Variants in ACOT7 observed in about 807,000 individuals in gnomAD.
The protein encoded by ACOT7 is acyl-CoA thioesterase 7.
Under a neutral mutation model 40.2 loss-of-function variants are expected in ACOT7, and 12 were observed. The observed-to-expected ratio is 0.30, with a 90% CI of 0.19 to 0.48. The LOEUF (loss-of-function observed/expected upper bound fraction) is 0.48. Ranked by LOEUF, ACOT7 falls within the 20% of genes least tolerant of loss-of-function variation. The probability of loss-of-function intolerance (pLI) is 0.99; values close to 1 mark genes in which losing one functional copy is unlikely to be tolerated. For synonymous variants in ACOT7, 228 were observed against 219.5 expected, an observed-to-expected ratio of 1.04 and a Z score of -0.34; for missense variants, 395 against 530.8, an observed-to-expected ratio of 0.74 and a Z score of 2.51.
intron 1 of ACOT7, among the ~76,000 whole-genome samples, chr1:6,391,489 G>A (rs774008529): frequency 6.6e-6 from 1 of 152,230 alleles, no homozygotes; most frequent in African/African-American, 2.4e-5. Flanking sequence ...CCGGGTGACA[G>A]AGTGAGACTC....
Position 6,264,621 on chromosome 1 carries a change from C to A in ACOT7, c.1089G>T (p.Gln363His), listed in dbSNP as rs1638760949. Residue 363 changes from glutamine to histidine, a missense_variant, in exon 9 of 9, where the codon CAG (glutamine) becomes CAT (histidine). Physicochemically the swap from Gln to His is conservative, Grantham distance 24. Transcript: ENST00000361521. The part of the protein sequence containing the change: ...GRYLQMKAKR[Q>H]GHAEPQP ...TCTAGGGCTGAGGCTCCGCGTGGCC[C>A]TGTCGCTTCGCCTTCATCTGCAGGT... 6.2e-7 allele frequency: 1 copy of A among 1,613,018 alleles called. No individual in the cohort carries two copies. The highest frequency in any genetic ancestry group is 1.3e-5 in the African/African-American group (1 of 74,948).
At position 6,338,524 on chromosome 1, in the gene ACOT7, G is replaced by T. The variant is rs1256596310; in HGVS notation, c.418+909C>A. 6.6e-6 allele frequency among the ~76,000 whole-genome samples: 1 copy of T among 152,220 alleles called. No individual in the cohort carries two copies. Among genetic ancestry groups the T allele is most frequent in the African/African-American group, 2.4e-5 (1 of 41,458 alleles). ...CCCAGGCCCTTGCTCAGCTCCATCTGCCCACCTGCCGGAGCTGGGCTGACA... is the reference window on the plus strand; with the variant it reads ...CCCAGGCCCTTGCTCAGCTCCATCTTCCCACCTGCCGGAGCTGGGCTGACA... On this transcript the variant is annotated intron_variant, in intron 3 of 8. Transcript: ENST00000361521. This position sits in a 1 kb window ranked among gnomAD's most constrained non-coding sequence, Gnocchi z 4.4.
intron 1 of ACOT7, among the ~76,000 whole-genome samples, chr1:6,350,096 C>G (rs953551561): frequency 3.9e-5 from 6 of 152,146 alleles, no homozygotes; most frequent in Admixed American, 6.5e-5. Flanking sequence ...AGAAGGAGGG[C>G]AGAGGGGCAC....
chr1:6,334,225 T>A (rs1641038759), intron 3 of ACOT7, among the ~76,000 whole-genome samples: 1 of 152,348 alleles, frequency 6.6e-6, no homozygotes. Flanking sequence ...AACTGATCGC[T>A]GCTGACATCG....
chr1:6,319,220 C>G (rs1177487941), intron 5 of ACOT7, among the ~76,000 whole-genome samples: 1 of 152,156 alleles, frequency 6.6e-6, no homozygotes, highest in Non-Finnish European at 1.5e-5. Context: ...TGAGACAAAG[C>G]CTCGCTCTAT....
At chr1:6,270,779 G>C (rs191543150) in intron 8 of ACOT7, among the ~76,000 whole-genome samples, 3 of 152,328 alleles carry the variant, frequency 2.0e-5, no homozygotes, top group African/African-American at 7.2e-5. Context: ...TGGTGGTCCT[G>C]CTGTCCTCAG....
chr1:6,304,909 G>T (rs1640084780), intron 6 of ACOT7, among the ~76,000 whole-genome samples: 1 of 141,984 alleles, frequency 7.0e-6, no homozygotes, highest in African/African-American at 2.9e-5. Context: ...GAGCTGTTGG[G>T]TACACCTCCC....
chr1:6,275,260 T>C lies in ACOT7; in HGVS notation c.1014+5842A>G, dbSNP rs1639155341. Among the ~76,000 whole-genome samples the C allele has an allele frequency of 6.6e-6, 1 of 152,156 alleles. No individual in the cohort carries two copies. On this transcript the variant is annotated intron_variant, in intron 8 of 8. Transcript: ENST00000361521. The surrounding 1 kb of genome is among the most constrained non-coding windows in gnomAD (Gnocchi z 5.6). ...TGGCTTCCTAACCAGAAAACAAACC[T>C]GCTGAGAATGGCCCCCGGCCTGGTA...
rs1639593535 is a variant in ACOT7, at chr1:6,289,098, A to G, written c.829+5766T>C. Among the ~76,000 whole-genome samples, 1 of 151,968 alleles carries G rather than the reference A, an allele frequency of 6.6e-6. No individual in the cohort carries two copies. Among genetic ancestry groups the G allele is most frequent in the Admixed American group, 6.6e-5 (1 of 15,266 alleles). ...TCCGCATTCCCACTGTTTTCTGGTT[A>G]TTTTATTTTATTTTTTTTTGAGACG... On this transcript the variant is annotated intron_variant, in intron 7 of 8. Transcript: ENST00000361521. The surrounding 1 kb of genome is among the most constrained non-coding windows in gnomAD (Gnocchi z 4.6).
intron 5 of ACOT7, among the ~76,000 whole-genome samples, chr1:6,323,038 G>A (rs1640691409): frequency 6.6e-6 from 1 of 152,108 alleles, no homozygotes; most frequent in Admixed American, 6.5e-5. Context: ...GCTAAGGCAG[G>A]AGAATCACTT....
At chr1:6,360,889 C>T (rs1251976138) in intron 1 of ACOT7, among the ~76,000 whole-genome samples, 3 of 152,214 alleles carry the variant, frequency 2.0e-5, no homozygotes, top group African/African-American at 7.2e-5. Flanking sequence ...ATTCAAGCCA[C>T]AACCAGATGG....
chr1:6,264,515 G>T lies in ACOT7; in HGVS notation c.*82C>A. On this transcript the variant is annotated 3_prime_UTR_variant, in exon 9 of 9. Coordinates refer to ENST00000361521, the MANE Select transcript of ACOT7 (RefSeq NM_007274.4). ...GCTCTCAATGTGAATTGGGTTTTTG[G>T]CCAAGGGGGGAACTTCTAAGTGACT... 1 of 1,374,028 alleles carries T rather than the reference G, an allele frequency of 7.3e-7. No homozygotes were observed. Among genetic ancestry groups the T allele is most frequent in the Non-Finnish European group, 9.9e-7 (1 of 1,009,630 alleles). 85.1% of individuals were successfully genotyped at this position (1,374,028 alleles called of 1,614,324 possible).
chr1:6,333,863 A>G (rs1571317274), intron 3 of ACOT7, among the ~76,000 whole-genome samples: 2 of 152,086 alleles, frequency 1.3e-5, no homozygotes, highest in African/African-American at 4.8e-5. Context: ...TGCCCCCCCA[A>G]AACTGGCTTG....
intron 3 of ACOT7, among the ~76,000 whole-genome samples, chr1:6,337,297 G>A (rs954662343): frequency 5.9e-5 from 9 of 152,180 alleles, no homozygotes; most frequent in Non-Finnish European, 1.5e-5. Context: ...GCTCTCTCAT[G>A]CTCACGCCTG....
At chr1:6,304,344 A>G (rs1481133638) in intron 6 of ACOT7, among the ~76,000 whole-genome samples, 11 of 150,422 alleles carry the variant, frequency 7.3e-5, no homozygotes, top group Non-Finnish European at 1.3e-4. Context: ...GAAAGAAAAG[A>G]AAAGAAAAAC....
In ACOT7 at chr1:6,306,071, C is replaced by T. The variant is rs61763886; in HGVS notation, c.713-11091G>A. 1.6e-5 allele frequency: 4 copies of T among 246,436 alleles called. No individual in the cohort carries two copies. The highest frequency in any genetic ancestry group is 2.6e-5 in the Non-Finnish European group (4 of 155,268). 15.3% of individuals were successfully genotyped at this position (246,436 alleles called of 1,614,324 possible). A position where few individuals can be genotyped will look rare whatever the true frequency, so the allele number is the denominator to read the frequency against. Reference sequence around the variant, plus strand: ...AGGCGTGGCGGCGCGCGCCTGCAATCGCAGGCACTCGGCAGGCTGAGGCAG... The same window carrying T: ...AGGCGTGGCGGCGCGCGCCTGCAATTGCAGGCACTCGGCAGGCTGAGGCAG... On this transcript the variant is annotated intron_variant, in intron 6 of 8. Transcript: ENST00000361521. The surrounding 1 kb of genome is among the most constrained non-coding windows in gnomAD (Gnocchi z 4.3).
intron 2 of ACOT7, among the ~76,000 whole-genome samples, chr1:6,341,149 C>CT (rs200915838): frequency 1.3e-4 from 20 of 148,502 alleles, no homozygotes; most frequent in South Asian, 2.2e-4. Context: ...AATCACTATT[C>CT]TTTTTTTTTT....
chr1:6,358,911 C>A lies in ACOT7; in HGVS notation c.144-9045G>T. The stretch of plus-strand genomic sequence containing the variant: ...AGGGAGCAGGGAAGCATCACAGAGT[C>A]CTTGCCTGACCCAGGACTGTCCCAG... On this transcript the variant is annotated intron_variant, in intron 1 of 8. Transcript: ENST00000361521. This position sits in a 1 kb window ranked among gnomAD's most constrained non-coding sequence, Gnocchi z 4.1. 2 of 1,598,230 alleles carry A rather than the reference C, an allele frequency of 1.3e-6. No homozygotes were observed. Among genetic ancestry groups the A allele is most frequent in the South Asian group, 1.1e-5 (1 of 88,556 alleles).
chr1:6,268,690 G>T (rs573056150), intron 8 of ACOT7, among the ~76,000 whole-genome samples: 2 of 152,250 alleles, frequency 1.3e-5, no homozygotes, highest in African/African-American at 4.8e-5. Flanking sequence ...CGGCCCGAAC[G>T]GCAGGGAGAT....
Sources: allele counts gnomAD v4.1 joint callset (sites outside exome capture counted in the v4.1 genomes callset), GRCh38; gene constraint gnomAD v4.1.1; non-coding constraint Gnocchi (gnomAD v3.1); transcripts MANE v1.5; gene names NCBI Gene and HGNC (gene_info 2026-07-23, HGNC 2026-07-21).